ITGAL: variants seen among roughly 807,000 people sequenced by gnomAD.
The protein encoded by ITGAL is integrin alpha-L.
ITGAL carries 68 observed loss-of-function variants against 138.4 expected under a neutral mutation model. That is an observed-to-expected ratio of 0.49 (90% CI 0.40 to 0.60). The LOEUF is 0.60. Ranked by LOEUF, ITGAL falls within the 20% of genes least tolerant of loss-of-function variation. The pLI is 0.00. For synonymous variants in ITGAL, 561 were observed against 584.3 expected, an observed-to-expected ratio of 0.96 and a Z score of 0.57; for missense variants, 1,256 against 1,478.6, an observed-to-expected ratio of 0.85 and a Z score of 2.47.
intron 29 of ITGAL, 112 bp from the exon 30 acceptor site, chr16:30,519,745 C>G (rs1269167194): frequency 2.7e-6 from 2 of 743,392 alleles, no homozygotes; most frequent in African/African-American, 3.4e-5. Flanking sequence ...GCTGGAGACT[C>G]CAGGCGGGTG....
At chr16:30,492,042 C>T (rs1392624183) in intron 11 of ITGAL, among the ~76,000 whole-genome samples, 1 of 152,130 alleles carries the variant, frequency 6.6e-6, no homozygotes, top group Non-Finnish European at 1.5e-5. Context: ...TCACTTTCAA[C>T]TGCTCTGCAC....
chr16:30,499,586 C>A, intron 17 of ITGAL, 97 bp downstream of exon 17: 1 of 1,196,646 alleles, frequency 8.4e-7, no homozygotes, highest in Non-Finnish European at 1.2e-6. Context: ...TTCCATCCCT[C>A]TGTGCTGTCA....
At chr16:30,481,714 T>C in intron 7 of ITGAL, 130 bp downstream of exon 7, 1 of 754,896 alleles carries the variant, frequency 1.3e-6, no homozygotes, top group Non-Finnish European at 2.2e-6. Flanking sequence ...TGAATTGAAG[T>C]GGAACAATTT....
At chr16:30,498,960 G>C in intron 15 of ITGAL, 114 bp from the exon 16 acceptor site, 1 of 798,892 alleles carries the variant, frequency 1.3e-6, no homozygotes, top group Non-Finnish European at 2.0e-6. Flanking sequence ...GTGACATGTT[G>C]AGGTCTGCTT....
intron 27 of ITGAL, 40 bp downstream of exon 27, chr16:30,517,745 T>C (rs368105751): frequency 6.1e-5 from 99 of 1,612,578 alleles, no homozygotes; most frequent in Middle Eastern, 1.6e-4. Flanking sequence ...GGCTGGGCGG[T>C]ACACGGGTCG....
Position 30,520,987 on chromosome 16 carries a change from G to T in ITGAL, c.3340-505G>T, listed in dbSNP as rs562264037. Among the ~76,000 whole-genome samples, 42 of 152,178 alleles carry T rather than the reference G, an allele frequency of 2.8e-4. 1 individual carries two copies. The highest frequency in any genetic ancestry group is 5.4e-4 in the Non-Finnish European group (37 of 68,036). On this transcript the variant is annotated intron_variant, in intron 30 of 30. Coordinates refer to ENST00000356798, the MANE Select transcript of ITGAL (RefSeq NM_002209.3). ...TAATCCCAGCTGCTCAGGAGGCTGA[G>T]GCAGGAGAATTTCTTGAACCTGGGA...
chr16:30,479,355 T>G lies in ITGAL; in HGVS notation c.470T>G (p.Leu157Arg). 6.2e-7 allele frequency: 1 copy of G among 1,614,122 alleles called. No homozygotes were observed. Among genetic ancestry groups the G allele is most frequent in the Non-Finnish European group, 8.5e-7 (1 of 1,180,028 alleles). The change falls in exon 6 of 31, where the codon CTG (leucine) becomes CGG (arginine). Residue 157 changes from leucine (L) to arginine (R), a missense_variant. Leu to Arg is a moderately radical substitution (Grantham distance 102). Coordinates refer to ENST00000356798, the MANE Select transcript of ITGAL (RefSeq NM_002209.3). The part of the protein sequence containing the change: ...FQECIKGNVD[L>R]VFLFDGSMSL... ...GAATGTATCAAGGGCAACGTAGACC[T>G]GGTATTTCTGTTTGATGGTTCGATG...
Position 30,472,769 on chromosome 16 carries a change from G to T in ITGAL, c.-69G>T, listed in dbSNP as rs2050412045. The T allele has an allele frequency of 2.1e-6, 3 of 1,422,180 alleles. No individual in the cohort carries two copies. Among genetic ancestry groups the T allele is most frequent in the South Asian group, 2.4e-5 (2 of 84,482 alleles). 88.1% of individuals were successfully genotyped at this position (1,422,180 alleles called of 1,614,324 possible). ...CATTTTCCTCTTTCACCCTGTCTAG[G>T]TTGCCAGCAAATCCCACGGGCCTCC... On this transcript the variant is annotated 5_prime_UTR_variant, in exon 1 of 31. Coordinates refer to ENST00000356798, the MANE Select transcript of ITGAL (RefSeq NM_002209.3).
intron 18 of ITGAL, chr16:30,504,785 G>C (rs2050959562): frequency 6.5e-6 from 1 of 154,834 alleles, no homozygotes; most frequent in African/African-American, 2.4e-5. Context: ...GGAAGGCTGA[G>C]GGGGGTGGAT....
intron 6 of ITGAL, 72 bp from the exon 7 acceptor site, chr16:30,481,367 A>AT: frequency 7.7e-6 from 6 of 774,334 alleles, no homozygotes; most frequent in Non-Finnish European, 1.1e-5. Flanking sequence ...AAAAAAAAAA[A>AT]GAAGTAGAGT....
At position 30,474,229 on chromosome 16, in the gene ITGAL, G is replaced by T; in HGVS notation, c.95G>T (p.Gly32Val). The change falls in exon 2 of 31, where the codon GGC becomes GTC. Residue 32 changes from glycine to valine, a missense_variant. By Grantham distance (109) the Gly-to-Val change is moderately radical. Coordinates refer to ENST00000356798, the MANE Select transcript of ITGAL (RefSeq NM_002209.3). ...PASSYNLDVR[G>V]ARSFSPPRAG... ...TCGAGCTACAACCTGGACGTGCGGG[G>T]CGCGCGGAGCTTCTCCCCACCGCGC... 6.2e-7 allele frequency: 1 copy of T among 1,608,550 alleles called. No homozygotes were observed. The highest frequency in any genetic ancestry group is 8.5e-7 in the Non-Finnish European group (1 of 1,177,776).
In ITGAL at chr16:30,494,680, G is replaced by A. The variant is rs1168328426; in HGVS notation, c.1366-33G>A. ...CCTGCCAACCCCTGCTGTTCCCACA[G>A]GCGCTTCCCCAAACACCTGCCTCTC... On this transcript the variant is annotated intron_variant, in intron 12 of 30. Transcript: ENST00000356798. The surrounding 1 kb of genome is among the most constrained non-coding windows in gnomAD (Gnocchi z 4.2). The A allele has an allele frequency of 5.1e-6, 8 of 1,577,248 alleles. No individual in the cohort carries two copies. In the Admixed American group the frequency reaches 1.4e-4, roughly 28 times the overall value.
chr16:30,513,892 C>T (rs1397648717), intron 25 of ITGAL, 46 bp downstream of exon 25: 1 of 1,414,610 alleles, frequency 7.1e-7, no homozygotes, highest in Non-Finnish European at 1.0e-6. Context: ...CACATTCATT[C>T]TTTATCCCGG....
intron 25 of ITGAL, among the ~76,000 whole-genome samples, chr16:30,514,869 G>T (rs1468121113): frequency 6.7e-6 from 1 of 148,814 alleles, no homozygotes; most frequent in Non-Finnish European, 1.5e-5. Flanking sequence ...CTGTCACCCA[G>T]GTTGGAGTGC....
intron 17 of ITGAL, among the ~76,000 whole-genome samples, chr16:30,503,751 C>T (rs904785871): frequency 6.6e-6 from 1 of 152,106 alleles, no homozygotes; most frequent in Admixed American, 6.6e-5. Flanking sequence ...TGAGTACCTA[C>T]AAAATGCCAG....
chr16:30,498,858 G>A (rs2050842671), intron 15 of ITGAL: 3 of 505,974 alleles, frequency 5.9e-6, no homozygotes, highest in Non-Finnish European at 7.1e-6. Flanking sequence ...CTGTTATCAT[G>A]CCACTGCACT....
At chr16:30,519,088 T>G (rs2051213727) in intron 29 of ITGAL, among the ~76,000 whole-genome samples, 1 of 151,780 alleles carries the variant, frequency 6.6e-6, no homozygotes, top group Non-Finnish European at 1.5e-5. Flanking sequence ...CCGGGCATGA[T>G]GGTGGGCGCC....
rs2151204389 is a variant in ITGAL, at chr16:30,513,847, G to T, written c.2862+1G>T. The T allele has an allele frequency of 6.2e-7, 1 of 1,604,652 alleles. No individual in the cohort carries two copies. Among genetic ancestry groups the T allele is most frequent in the South Asian group, 1.1e-5 (1 of 90,886 alleles). ...CCACCAAGTCAAGCACATGTACCAG[G>T]TATGAATCCCAATGTGGAAGGTCCT... On this transcript the variant is annotated splice_donor_variant, in intron 25 of 30. Transcript: ENST00000356798. LOFTEE classifies it high-confidence loss of function.
chr16:30,493,823 C>A (rs1402276563), intron 11 of ITGAL, among the ~76,000 whole-genome samples: 1 of 152,100 alleles, frequency 6.6e-6, no homozygotes. Flanking sequence ...ACCCGGGAGG[C>A]GGAGGTTGCA....
Sources: gnomAD v4.1 joint callset for allele counts (sites outside exome capture counted in the v4.1 genomes callset) on GRCh38, gnomAD v4.1.1 for gene constraint, Gnocchi (gnomAD v3.1) non-coding constraint, MANE v1.5 for transcripts, NCBI Gene and HGNC (gene_info 2026-07-23, HGNC 2026-07-21) for gene names.